The following KIAA1328 variants were observed in gnomAD, a reference collection of about 807,000 sequenced individuals.
KIAA1328 encodes KIAA1328.
KIAA1328 carries 52 observed loss-of-function variants against 68.1 expected under a neutral mutation model. The ratio of observed to expected loss-of-function variants is 0.76; its 90% CI spans 0.61 to 0.96. KIAA1328 has a LOEUF of 0.96. Among genes scored for constraint, KIAA1328 ranks in the 40% least tolerant of loss-of-function variants. The probability of loss-of-function intolerance (pLI) is 0.00; values close to 1 mark genes in which losing one functional copy is unlikely to be tolerated. For missense variants in KIAA1328, 641 were observed against 677.6 expected (o/e 0.95, Z 0.60); for synonymous variants, 232 against 239.4 (o/e 0.97, Z 0.28).
At position 37,222,474 on chromosome 18, in the gene KIAA1328, A is replaced by T; in HGVS notation, c.*247A>T. 7.6e-7 allele frequency: 1 copy of T among 1,316,346 alleles called. No individual in the cohort carries two copies. The allele number at this position is 1,316,346 out of a possible 1,614,324, so 81.5% of individuals were successfully genotyped here. ...GTATCTTTTATATGCTAAACAGATTAGAAAATTAACATAGGATACTTTCTG... is the reference window on the plus strand; with the variant it reads ...GTATCTTTTATATGCTAAACAGATTTGAAAATTAACATAGGATACTTTCTG... On this transcript the variant is annotated 3_prime_UTR_variant, in exon 10 of 10. Coordinates refer to ENST00000280020, the MANE Select transcript of KIAA1328 (RefSeq NM_020776.3).
intron 5 of KIAA1328, among the ~76,000 whole-genome samples, chr18:36,924,592 T>A (rs2050045454): frequency 6.6e-6 from 1 of 152,194 alleles, no homozygotes; most frequent in Admixed American, 6.5e-5. Context: ...ATTAAGAGTC[T>A]GGAGTTGGTA....
chr18:37,147,447 A>G (rs1345653438), intron 7 of KIAA1328, among the ~76,000 whole-genome samples: 2 of 151,708 alleles, frequency 1.3e-5, no homozygotes, highest in Non-Finnish European at 2.9e-5. Flanking sequence ...ATAGATAGGG[A>G]TTTTATTATC....
At chr18:37,148,495 G>C (rs1412317365) in intron 7 of KIAA1328, among the ~76,000 whole-genome samples, 6 of 152,180 alleles carry the variant, frequency 3.9e-5, no homozygotes, top group African/African-American at 1.4e-4. Flanking sequence ...TATATACCCA[G>C]TAATGGGTTT....
intron 9 of KIAA1328, among the ~76,000 whole-genome samples, chr18:37,209,789 G>A (rs2060282073): frequency 6.6e-6 from 1 of 152,268 alleles, no homozygotes; most frequent in Admixed American, 6.5e-5. Flanking sequence ...TGGATAGTTT[G>A]AGATGCCCAT....
At chr18:37,112,150 G>T (rs1292985190) in intron 7 of KIAA1328, among the ~76,000 whole-genome samples, 1 of 152,222 alleles carries the variant, frequency 6.6e-6, no homozygotes, top group East Asian at 1.9e-4. Flanking sequence ...AAACGTCTCT[G>T]TCTGACAGCT....
chr18:36,872,417 C>G (rs1261032686), intron 4 of KIAA1328, among the ~76,000 whole-genome samples: 1 of 152,076 alleles, frequency 6.6e-6, no homozygotes, highest in Non-Finnish European at 1.5e-5. Context: ...GATGGACCCT[C>G]TAAGAGGAAA....
intron 6 of KIAA1328, among the ~76,000 whole-genome samples, chr18:37,013,094 T>C (rs764216642): frequency 2.3e-4 from 35 of 152,302 alleles, no homozygotes; most frequent in Non-Finnish European, 2.5e-4. Context: ...TAAGGCCATT[T>C]TGGTGTTAGT....
intron 9 of KIAA1328, among the ~76,000 whole-genome samples, chr18:37,187,578 G>T (rs2059827710): frequency 6.6e-6 from 1 of 151,892 alleles, no homozygotes; most frequent in Non-Finnish European, 1.5e-5. Context: ...AGATATCCTG[G>T]ATTAATGCTC....
Position 36,835,136 on chromosome 18 carries a change from G to A in KIAA1328, c.95-98G>A, listed in dbSNP as rs539847950. The A allele has an allele frequency of 4.8e-5, 43 of 887,414 alleles. No individual in the cohort carries two copies. The African/African-American group carries it at 6.6e-4, about 14-fold the overall frequency. The allele number at this position is 887,414 out of a possible 1,614,324, so 55.0% of individuals were successfully genotyped here. ...TAAAGTAAGAGAGTTTCCTCCATCAGGTCCCTTAAAGTAGAGGATTCCAAG... is the reference window on the plus strand; with the variant it reads ...TAAAGTAAGAGAGTTTCCTCCATCAAGTCCCTTAAAGTAGAGGATTCCAAG... On this transcript the variant is annotated intron_variant, in intron 2 of 9. Coordinates refer to ENST00000280020, the MANE Select transcript of KIAA1328 (RefSeq NM_020776.3).
chr18:36,985,618 G>A (rs920802370), intron 6 of KIAA1328, among the ~76,000 whole-genome samples: 6 of 152,108 alleles, frequency 3.9e-5, no homozygotes, highest in African/African-American at 1.4e-4. Context: ...TCTTTTCAAC[G>A]AGTCCATATC....
intron 7 of KIAA1328, among the ~76,000 whole-genome samples, chr18:37,077,909 T>C (rs2056803228): frequency 6.6e-6 from 1 of 151,936 alleles, no homozygotes; most frequent in Non-Finnish European, 1.5e-5. Flanking sequence ...CTGCCCAAGG[T>C]AATTTATAGA....
intron 5 of KIAA1328, among the ~76,000 whole-genome samples, chr18:36,914,456 T>C (rs1238934510): frequency 1.3e-5 from 2 of 152,194 alleles, no homozygotes; most frequent in Non-Finnish European, 2.9e-5. Flanking sequence ...GCGTGGTGGC[T>C]CATGCCTGTA....
intron 8 of KIAA1328, among the ~76,000 whole-genome samples, chr18:37,168,791 G>T (rs1247876576): frequency 6.6e-6 from 1 of 152,156 alleles, no homozygotes; most frequent in African/African-American, 2.4e-5. Flanking sequence ...TGGTAGTGCT[G>T]CCAGGGCTTG....
chr18:36,840,765 T>G (rs963033149), intron 3 of KIAA1328, among the ~76,000 whole-genome samples: 1 of 152,186 alleles, frequency 6.6e-6, no homozygotes, highest in Non-Finnish European at 1.5e-5. Flanking sequence ...TGTGATTTTT[T>G]TCTCTGTGTA....
intron 2 of KIAA1328, 78 bp from the exon 3 acceptor site, chr18:36,835,156 T>A (rs2046631461): frequency 7.8e-7 from 1 of 1,280,522 alleles, no homozygotes; most frequent in African/African-American, 1.5e-5. Flanking sequence ...AGTAGAGGAT[T>A]CCAAGGAAGG....
At position 36,829,417 on chromosome 18, in the gene KIAA1328, A is replaced by G. The variant is rs1285456464; in HGVS notation, c.58+221A>G. On this transcript the variant is annotated intron_variant, in intron 1 of 9. Transcript: ENST00000280020. ...CTGCAGGTGTGGGGACACGGCTCAGATGCTTCCCAGCGCTCACTACCGGTG... is the reference window on the plus strand; with the variant it reads ...CTGCAGGTGTGGGGACACGGCTCAGGTGCTTCCCAGCGCTCACTACCGGTG... The G allele has an allele frequency of 5.2e-6, 7 of 1,337,456 alleles. No homozygotes were observed. The Admixed American group carries it at 2.8e-4, about 54-fold the overall frequency. The allele number at this position is 1,337,456 out of a possible 1,614,324, so 82.8% of individuals were successfully genotyped here. A position where few individuals can be genotyped will look rare whatever the true frequency, so the allele number is the denominator to read the frequency against.
intron 5 of KIAA1328, among the ~76,000 whole-genome samples, chr18:36,905,256 C>G (rs1198888612): frequency 6.6e-6 from 1 of 151,842 alleles, no homozygotes; most frequent in Non-Finnish European, 1.5e-5. Context: ...GGACTAGAGG[C>G]ATACACCACC....
chr18:36,933,661 TG>T (rs2050394669), intron 5 of KIAA1328, among the ~76,000 whole-genome samples: 1 of 152,210 alleles, frequency 6.6e-6, no homozygotes. Context: ...CCCTCTGGGT[TG>T]GGCACCAGCT....
At chr18:36,885,522 G>T in intron 4 of KIAA1328, 35 bp from the exon 5 acceptor site, 1 of 1,277,362 alleles carries the variant, frequency 7.8e-7, no homozygotes, top group Non-Finnish European at 1.1e-6. Flanking sequence ...ATTTTATTCT[G>T]ATAGATGTTA....
Sources: allele counts gnomAD v4.1 joint callset (sites outside exome capture counted in the v4.1 genomes callset), GRCh38; gene constraint gnomAD v4.1.1; transcripts MANE v1.5; gene names NCBI Gene and HGNC (gene_info 2026-07-23, HGNC 2026-07-21).